The following NLRP5 variants were observed in gnomAD, a reference collection of about 807,000 sequenced individuals.
NLRP5 encodes the protein NLR family pyrin domain containing 5, also known as NACHT, LRR and PYD domains-containing protein 5.
NLRP5 carries 93 observed loss-of-function variants against 113.1 expected under a neutral mutation model. The ratio of observed to expected loss-of-function variants is 0.82; its 90% CI spans 0.70 to 0.98. The LOEUF (loss-of-function observed/expected upper bound fraction) is 0.98. NLRP5 is among the 50% of genes least tolerant of loss of function. The probability of loss-of-function intolerance (pLI) is 0.00; values close to 1 mark genes in which losing one functional copy is unlikely to be tolerated. For synonymous variants in NLRP5, 751 were observed against 600.7 expected, an observed-to-expected ratio of 1.25 and a Z score of -3.66; for missense variants, 1,808 against 1,514.3, an observed-to-expected ratio of 1.19 and a Z score of -3.22.
chr19:56,024,584 T>TACACACACACACACACACACAC (rs369128981), intron 6 of NLRP5, among the ~76,000 whole-genome samples: 6 of 147,242 alleles, frequency 4.1e-5, no homozygotes, highest in African/African-American at 1.3e-4. Context: ...TATATATACA[T>TACACACACACACACACACACAC]ACACACACAC....
At chr19:55,988,495 T>G in the NLRP5 span, 1 of 146,626 alleles carries the variant, frequency 6.8e-6, no homozygotes, top group East Asian at 2.0e-4. Context: ...AATGAAATGC[T>G]TTGAGTCACC....
At chr19:56,019,945 TTC>T (rs1982551357) in intron 5 of NLRP5, among the ~76,000 whole-genome samples, 1 of 151,728 alleles carries the variant, frequency 6.6e-6, no homozygotes, top group South Asian at 2.1e-4. Context: ...CAAGCGATTC[TTC>T]TGTCTCAGCC....
intron 7 of NLRP5, among the ~76,000 whole-genome samples, chr19:56,032,194 A>T (rs1255164497): frequency 6.6e-6 from 1 of 152,064 alleles, no homozygotes; most frequent in African/African-American, 2.4e-5. Flanking sequence ...AAAATGCAAA[A>T]ATTAGCTGTG....
At chr19:56,004,961 G>A (rs1047388923) in intron 2 of NLRP5, among the ~76,000 whole-genome samples, 2 of 151,612 alleles carry the variant, frequency 1.3e-5, no homozygotes, top group African/African-American at 4.8e-5. Context: ...AGGCGTCATG[G>A]CACATGCCTG....
At chr19:56,004,257 G>A (rs567633472) in intron 2 of NLRP5, among the ~76,000 whole-genome samples, 162 bp downstream of exon 2, 2 of 152,240 alleles carry the variant, frequency 1.3e-5, no homozygotes, top group South Asian at 4.1e-4. Context: ...TTGGAAATTA[G>A]TGTAGTCTCT....
intron 3 of NLRP5, among the ~76,000 whole-genome samples, chr19:56,009,358 A>AAAAAAG (rs1271381720): frequency 6.7e-6 from 1 of 150,092 alleles, no homozygotes; most frequent in Non-Finnish European, 1.5e-5. Flanking sequence ...AAAAAAAAAA[A>AAAAAAG]AGAGTTCTGT....
chr19:56,021,447 C>CA (rs986073128), intron 6 of NLRP5, among the ~76,000 whole-genome samples: 8 of 151,796 alleles, frequency 5.3e-5, no homozygotes, highest in African/African-American at 1.9e-4. Flanking sequence ...TTTTTTCTCC[C>CA]AAAAAGAAAC....
rs143196900 is a variant in NLRP5, at chr19:56,025,494, C to T, written c.680-1419C>T. On this transcript the variant is annotated intron_variant, in intron 6 of 14. Transcript: ENST00000390649. ...AATCTTGGCTCGCTGCAAGCTCCAC[C>T]TTCTGCGTTCATGACTTTCTCCTGC... is the stretch of plus-strand genomic sequence containing the variant. 1.2e-4 allele frequency among the ~76,000 whole-genome samples: 18 copies of T among 152,238 alleles called. 1 individual carries two copies. The highest frequency in any genetic ancestry group is 4.1e-4 in the African/African-American group (17 of 41,540).
intron 6 of NLRP5, among the ~76,000 whole-genome samples, chr19:56,024,359 A>G (rs1568489311): frequency 2.1e-5 from 3 of 140,920 alleles, no homozygotes; most frequent in Non-Finnish European, 3.1e-5. Flanking sequence ...AAAAAAAAGA[A>G]CAAATATATA....
chr19:56,038,252 A>G, intron 10 of NLRP5, 57 bp downstream of exon 10: 1 of 1,533,784 alleles, frequency 6.5e-7, no homozygotes, highest in Non-Finnish European at 9.0e-7. Flanking sequence ...GATTATCGTA[A>G]CTTCGATTCT....
chr19:56,001,725 T>G (rs1981659440), intron 1 of NLRP5, among the ~76,000 whole-genome samples: 1 of 152,184 alleles, frequency 6.6e-6, no homozygotes, highest in African/African-American at 2.4e-5. Flanking sequence ...GACAAGACTT[T>G]ACTGTGTATC....
In NLRP5 at chr19:56,050,574, T is replaced by C. The variant is rs969379394; in HGVS notation, c.3114T>C (p.His1038=). The C allele has an allele frequency of 1.2e-6, 2 of 1,613,700 alleles. No individual in the cohort carries two copies. The highest frequency in any genetic ancestry group is 1.3e-5 in the African/African-American group (1 of 75,044). ...AGGTCATGAGAGAACCATCTTGTCA[T>C]CTCCAGGACCTGGAGTGAGTTTCCC... Residue 1038 remains histidine, a synonymous_variant, in exon 12 of 15, where the codon CAT becomes CAC. Transcript: ENST00000390649.
At chr19:56,007,904 C>CGCGT (rs377205469) in intron 2 of NLRP5, among the ~76,000 whole-genome samples, 1 of 110,072 alleles carries the variant, frequency 9.1e-6, no homozygotes, top group East Asian at 2.8e-4. Context: ...TGCGCGCGTG[C>CGCGT]GTGTGTGTGT....
At chr19:56,001,112 C>G (rs1391547689) in intron 1 of NLRP5, among the ~76,000 whole-genome samples, 1 of 150,938 alleles carries the variant, frequency 6.6e-6, no homozygotes, top group Non-Finnish European at 1.5e-5. Flanking sequence ...TACTTGAGCC[C>G]AGGAGTTTGA....
At chr19:56,032,124 A>T (rs180875566) in intron 7 of NLRP5, among the ~76,000 whole-genome samples, 371 of 152,214 alleles carry the variant, frequency 2.4e-3, no homozygotes, top group Non-Finnish European at 4.1e-3. Context: ...GCGGGGGCAG[A>T]TCATGAGATC....
chr19:56,019,269 A>ATC (rs1982524494), intron 4 of NLRP5, 73 bp from the exon 5 acceptor site: 1 of 1,508,540 alleles, frequency 6.6e-7, no homozygotes, highest in Admixed American at 1.8e-5. Flanking sequence ...GACTAAGCTT[A>ATC]TCTTGGGGGT....
intron 2 of NLRP5, among the ~76,000 whole-genome samples, chr19:56,006,309 A>T (rs545323255): frequency 1.1e-4 from 17 of 152,170 alleles, no homozygotes; most frequent in Non-Finnish European, 2.2e-4. Flanking sequence ...TAGCATTAGG[A>T]GATATACCTA....
At position 56,003,821 on chromosome 19, in the gene NLRP5, A is replaced by G; in HGVS notation, c.168A>G (p.Lys56=). 10 of 1,614,008 alleles carry G rather than the reference A, an allele frequency of 6.2e-6. No homozygotes were observed. The highest frequency in any genetic ancestry group is 7.6e-6 in the Non-Finnish European group (9 of 1,179,904). Residue 56 remains lysine, a synonymous_variant, in exon 2 of 15, where the codon AAA becomes AAG. Transcript: ENST00000390649. ...CTTGTATCAAGATGGAAGGAGACAAATCGCTCACCTTTTCCAGCTACGGGC... is the reference window on the plus strand; with the variant it reads ...CTTGTATCAAGATGGAAGGAGACAAGTCGCTCACCTTTTCCAGCTACGGGC...
chr19:56,023,129 G>GT (rs1555766669), intron 6 of NLRP5, among the ~76,000 whole-genome samples: 2 of 152,200 alleles, frequency 1.3e-5, no homozygotes, highest in Non-Finnish European at 2.9e-5. Flanking sequence ...AAGCCCTCAC[G>GT]AAGGAGAGGA....
Sources: allele counts gnomAD v4.1 joint callset (sites outside exome capture counted in the v4.1 genomes callset), GRCh38; gene constraint gnomAD v4.1.1; transcripts MANE v1.5; gene names NCBI Gene and HGNC (gene_info 2026-07-23, HGNC 2026-07-21).